The following HECW1 variants were observed in gnomAD, a reference collection of about 807,000 sequenced individuals.
The protein encoded by HECW1 is E3 ubiquitin-protein ligase HECW1.
HECW1 carries 61 observed loss-of-function variants against 182.3 expected under a neutral mutation model. The ratio of observed to expected loss-of-function variants is 0.33; its 90% CI spans 0.27 to 0.41. HECW1 has a LOEUF of 0.41. HECW1 is among the 10% of genes least tolerant of loss of function. HECW1 has a pLI of 1.00. For synonymous variants in HECW1, 859 were observed against 832.6 expected, an observed-to-expected ratio of 1.03 and a Z score of -0.55; for missense variants, 1,739 against 2,108.9, an observed-to-expected ratio of 0.82 and a Z score of 3.44.
rs565276138 is a variant in HECW1 at position 43,471,777 on chromosome 7, G to A, written c.3099+2672G>A. Among the ~76,000 whole-genome samples, 4 of 152,312 alleles carry A rather than the reference G, an allele frequency of 2.6e-5. No individual in the cohort carries two copies. The South Asian group carries it at 8.3e-4, about 32-fold the overall frequency. ...TATCTTGTGGCAGACATGAGACCAA[G>A]GCAGCCTCTGCTAAGGAATGAATAA... is the stretch of plus-strand genomic sequence containing the variant. On this transcript the variant is annotated intron_variant, in intron 16 of 29. Coordinates refer to ENST00000395891, the MANE Select transcript of HECW1 (RefSeq NM_015052.5).
chr7:43,323,822 G>C (rs1320512285), intron 5 of HECW1, among the ~76,000 whole-genome samples: 1 of 152,002 alleles, frequency 6.6e-6, no homozygotes, highest in Non-Finnish European at 1.5e-5. Flanking sequence ...GAGGTTAGAA[G>C]TTCAACCTAG....
intron 5 of HECW1, among the ~76,000 whole-genome samples, chr7:43,339,630 G>C (rs553651573): frequency 2.2e-4 from 34 of 152,102 alleles, no homozygotes; most frequent in African/African-American, 6.0e-4. Context: ...CCATACATTG[G>C]GTATGAAATA....
At chr7:43,183,970 A>AAC (rs10677654) in intron 2 of HECW1, among the ~76,000 whole-genome samples, 34,741 of 152,004 alleles carry the variant, frequency 0.23, 4,204 homozygotes, top group Middle Eastern at 0.26. Context: ...TTTAAAAAAA[A>AAC]AATCAAGATG....
intron 5 of HECW1, among the ~76,000 whole-genome samples, chr7:43,354,951 G>C (rs1021460921): frequency 1.2e-4 from 18 of 151,474 alleles, no homozygotes; most frequent in African/African-American, 4.4e-4. Context: ...AGGAACTCCA[G>C]TTCATCAGGC....
In HECW1 at chr7:43,172,921, A is replaced by G. The variant is rs370472179; in HGVS notation, c.-32+58530A>G. 1.4e-4 allele frequency among the ~76,000 whole-genome samples: 22 copies of G among 152,324 alleles called. No homozygotes were observed. The East Asian group carries it at 3.5e-3, about 24-fold the overall frequency. On this transcript the variant is annotated intron_variant, in intron 2 of 29. Coordinates refer to ENST00000395891, the MANE Select transcript of HECW1 (RefSeq NM_015052.5). ...AACACATACAGCTAGACCATTTCACATTCGTTTGCCTTTGTCTAGCCCTTG... is the reference window on the plus strand; with the variant it reads ...AACACATACAGCTAGACCATTTCACGTTCGTTTGCCTTTGTCTAGCCCTTG...
intron 3 of HECW1, among the ~76,000 whole-genome samples, chr7:43,247,741 AGGAG>A (rs373279844): frequency 8.5e-6 from 1 of 117,646 alleles, no homozygotes; most frequent in African/African-American, 3.5e-5. Context: ...AAAGGAAGGA[AGGAG>A]GGAGGGAGGA....
At chr7:43,446,748 A>T (rs1055482947) in intron 11 of HECW1, among the ~76,000 whole-genome samples, 2 of 152,236 alleles carry the variant, frequency 1.3e-5, no homozygotes, top group Non-Finnish European at 2.9e-5. Flanking sequence ...TGAGAAACGC[A>T]AGGAAATTGG....
At chr7:43,196,769 A>T (rs1342683205) in intron 2 of HECW1, among the ~76,000 whole-genome samples, 1 of 152,232 alleles carries the variant, frequency 6.6e-6, no homozygotes, top group Admixed American at 6.5e-5. Flanking sequence ...GTTACATTAC[A>T]TACCTTTATT....
chr7:43,263,684 A>G (rs1212717935), intron 3 of HECW1, among the ~76,000 whole-genome samples: 1 of 152,124 alleles, frequency 6.6e-6, no homozygotes, highest in Non-Finnish European at 1.5e-5. Context: ...AGGAAGGAAA[A>G]CATAAGGAGA....
At chr7:43,477,520 C>T (rs1429762650) in intron 16 of HECW1, among the ~76,000 whole-genome samples, 1 of 152,070 alleles carries the variant, frequency 6.6e-6, no homozygotes, top group East Asian at 1.9e-4. Flanking sequence ...CATTCCATTT[C>T]CTTGTATTTT....
intron 24 of HECW1, 37 bp downstream of exon 24, chr7:43,509,158 G>A (rs752864112): frequency 1.2e-6 from 2 of 1,602,942 alleles, no homozygotes; most frequent in South Asian, 1.1e-5. Context: ...GTATTTGAAA[G>A]TTCTCCTCTT....
chr7:43,538,439 T>C (rs1002741765), intron 24 of HECW1, among the ~76,000 whole-genome samples: 3 of 152,104 alleles, frequency 2.0e-5, no homozygotes, highest in African/African-American at 7.2e-5. Flanking sequence ...AAAAAACTAA[T>C]AGCAAAAATA....
chr7:43,441,038 G>A (rs2240983), intron 9 of HECW1, among the ~76,000 whole-genome samples: 18,065 of 152,106 alleles, frequency 0.12, 1,653 homozygotes, highest in East Asian at 0.48. Flanking sequence ...AACTGGTTTG[G>A]GGCTATGTGT....
chr7:43,378,946 A>G (rs940272027), intron 6 of HECW1, among the ~76,000 whole-genome samples: 1 of 152,186 alleles, frequency 6.6e-6, no homozygotes, highest in African/African-American at 2.4e-5. Flanking sequence ...AATAGGGACA[A>G]CCTACCTTCC....
intron 9 of HECW1, chr7:43,439,422 G>C (rs1397245390): frequency 6.6e-6 from 1 of 152,130 alleles, no homozygotes; most frequent in East Asian, 1.9e-4. Context: ...CTTCTCTCAG[G>C]GTTCCTAGGA....
intron 19 of HECW1, 45 bp downstream of exon 19, chr7:43,493,225 C>A: frequency 7.5e-7 from 1 of 1,335,382 alleles, no homozygotes; most frequent in Non-Finnish European, 1.1e-6. Context: ...TCTTTCCAGC[C>A]ATTTTTCCCG....
At position 43,204,543 on chromosome 7, in the gene HECW1, C is replaced by T. The variant is rs539906745; in HGVS notation, c.-31-39332C>T. Among the ~76,000 whole-genome samples, 10 of 152,278 alleles carry T rather than the reference C, an allele frequency of 6.6e-5. No homozygotes were observed. In the South Asian group the frequency reaches 2.1e-3, roughly 32 times the overall value. On this transcript the variant is annotated intron_variant, in intron 2 of 29. Coordinates refer to ENST00000395891, the MANE Select transcript of HECW1 (RefSeq NM_015052.5). ...GGCCAATTATACAAGACAGGCATGG[C>T]CATGCCCTCATGGAACTTTTGGCCC...
At chr7:43,152,111 G>A (rs1169861888) in intron 2 of HECW1, among the ~76,000 whole-genome samples, 6 of 152,162 alleles carry the variant, frequency 3.9e-5, no homozygotes, top group Non-Finnish European at 8.8e-5. Flanking sequence ...ATTCCTTTGT[G>A]TAGACAAACT....
intron 3 of HECW1, among the ~76,000 whole-genome samples, chr7:43,264,842 TAAA>T (rs36094358): frequency 5.4e-5 from 7 of 129,182 alleles, no homozygotes; most frequent in Non-Finnish European, 3.2e-5. Flanking sequence ...AGACTCGGTT[TAAA>T]AAAAAAAAAA....
Sources: gnomAD v4.1 joint callset for allele counts (sites outside exome capture counted in the v4.1 genomes callset) on GRCh38, gnomAD v4.1.1 for gene constraint, MANE v1.5 for transcripts, NCBI Gene and HGNC (gene_info 2026-07-23, HGNC 2026-07-21) for gene names.